The following NEBL variants were observed in gnomAD, a reference collection of about 807,000 sequenced individuals.
NEBL encodes nebulette.
A neutral mutation model predicts 140.2 loss-of-function variants in NEBL; 122 were observed. The ratio of observed to expected loss-of-function variants is 0.87; its 90% CI spans 0.75 to 1.01. The LOEUF is 1.01. Ranked by LOEUF, NEBL falls within the 50% of genes least tolerant of loss-of-function variation. The pLI, the probability that NEBL is intolerant of heterozygous loss-of-function variation, is 0.00. For synonymous variants in NEBL, 436 were observed against 398.9 expected (o/e 1.09, Z -1.11); for missense variants, 1,365 against 1,231.3 (o/e 1.11, Z -1.62).
chr10:20,874,741 AT>A (rs200093504), intron 5 of NEBL, among the ~76,000 whole-genome samples: 1 of 151,572 alleles, frequency 6.6e-6, no homozygotes, highest in Non-Finnish European at 1.5e-5. Context: ...TTCACTTTTC[AT>A]TTTTTTTCTT....
At chr10:21,037,150 G>A (rs1834046609) in intron 2 of NEBL, among the ~76,000 whole-genome samples, 1 of 151,498 alleles carries the variant, frequency 6.6e-6, no homozygotes, top group Non-Finnish European at 1.5e-5. Flanking sequence ...GGCCACCTGT[G>A]CTATTCAGCC....
chr10:21,118,280 G>C (rs935955092), intron 2 of NEBL, among the ~76,000 whole-genome samples: 10 of 152,110 alleles, frequency 6.6e-5, no homozygotes, highest in African/African-American at 2.4e-4. Context: ...TTTTCTTCCA[G>C]TCAGGATCAA....
intron 2 of NEBL, among the ~76,000 whole-genome samples, chr10:21,047,756 C>A (rs1176244168): frequency 6.6e-6 from 1 of 152,150 alleles, no homozygotes; most frequent in African/African-American, 2.4e-5. Flanking sequence ...AGCTCTGTGA[C>A]TTTGACCAAA....
intron 2 of NEBL, among the ~76,000 whole-genome samples, chr10:21,084,095 C>T (rs1301306961): frequency 1.3e-5 from 2 of 152,190 alleles, no homozygotes; most frequent in Non-Finnish European, 2.9e-5. Context: ...TTTTCAGGCC[C>T]TAATCACCTG....
intron 3 of NEBL, among the ~76,000 whole-genome samples, chr10:21,238,909 T>C (rs990651928): frequency 6.6e-6 from 1 of 152,084 alleles, no homozygotes; most frequent in African/African-American, 2.4e-5. Context: ...AAACAGACGC[T>C]TTGGTTACCT....
chr10:20,841,276 T>C (rs925776297), intron 12 of NEBL: 2 of 169,070 alleles, frequency 1.2e-5, no homozygotes, highest in African/African-American at 4.8e-5. Context: ...TAGCCAAAGG[T>C]TTTTTTTAAA....
At chr10:20,821,424 C>T (rs1839302346) in intron 19 of NEBL, among the ~76,000 whole-genome samples, 1 of 152,114 alleles carries the variant, frequency 6.6e-6, no homozygotes, top group African/African-American at 2.4e-5. Flanking sequence ...TCTTTTCCAC[C>T]ACTTGAGTGT....
rs973074596 is a variant in NEBL at position 21,249,282 on chromosome 10, G to A, written n.280-1293C>T. Among the ~76,000 whole-genome samples the A allele has an allele frequency of 9.2e-5, 14 of 152,242 alleles. 5 individuals carry two copies. Among genetic ancestry groups the A allele is most frequent in the Admixed American group, 7.2e-4 (11 of 15,274 alleles). The stretch of plus-strand genomic sequence containing the variant: ...TGGATATTAATCCTTTATGAGATAC[G>A]TGATTTGAAAGTATTTTCTTCCATT... On this transcript the variant is annotated intron_variant and non_coding_transcript_variant, in intron 2 of 8. Transcript: ENST00000675702.
At chr10:20,929,991 A>C (rs1289196283) in intron 4 of NEBL, among the ~76,000 whole-genome samples, 2 of 151,988 alleles carry the variant, frequency 1.3e-5, no homozygotes, top group South Asian at 4.2e-4. Flanking sequence ...TTCTATCTAA[A>C]CTTTCTCGCT....
chr10:20,938,145 A>G (rs1468798032), intron 4 of NEBL, among the ~76,000 whole-genome samples: 1 of 152,190 alleles, frequency 6.6e-6, no homozygotes, highest in Non-Finnish European at 1.5e-5. Context: ...TACCTCCTAA[A>G]GTGGGTCCCT....
intron 2 of NEBL, among the ~76,000 whole-genome samples, chr10:21,062,253 C>T (rs904428558): frequency 6.6e-6 from 1 of 152,066 alleles, no homozygotes; most frequent in African/African-American, 2.4e-5. Flanking sequence ...TCACACATCA[C>T]AGCGTGAGAG....
chr10:20,900,478 G>A (rs1306159464), upstream of NEBL, among the ~76,000 whole-genome samples: 2 of 151,934 alleles, frequency 1.3e-5, no homozygotes, highest in Non-Finnish European at 2.9e-5. Flanking sequence ...AGGAGTTCGA[G>A]ACCAGCCTGA....
rs1244911600 is a variant in NEBL, at chr10:20,812,860, C to A, written c.2427G>T (p.Val809=). ...PVVDDPVTER[V]RKNTQVVSDA... is the part of the protein sequence containing the mutation. ...CGCTGACCACCTGGGTGTTCTTCCT[C>A]ACTCTCTCTGTCACAGGATCGTCCA... is the stretch of plus-strand genomic sequence containing the variant. The change falls in exon 24 of 28, where the codon GTG becomes GTT. Residue 809 remains valine, a synonymous_variant. Coordinates refer to ENST00000377122, the MANE Select transcript of NEBL (RefSeq NM_006393.3). The A allele has an allele frequency of 1.2e-6, 2 of 1,614,030 alleles. No individual in the cohort carries two copies. The highest frequency in any genetic ancestry group is 3.3e-5 in the Admixed American group (2 of 60,020).
At chr10:21,164,559 T>C (rs1015326849) in intron 2 of NEBL, among the ~76,000 whole-genome samples, 1 of 152,244 alleles carries the variant, frequency 6.6e-6, no homozygotes, top group African/African-American at 2.4e-5. Context: ...AAATCTTTTC[T>C]AATCTGACAT....
chr10:20,877,840 A>C (rs1418581400), intron 5 of NEBL, among the ~76,000 whole-genome samples: 1 of 151,982 alleles, frequency 6.6e-6, no homozygotes, highest in East Asian at 1.9e-4. Context: ...AATCCGATGC[A>C]CTCTGCCACG....
Position 20,808,632 on chromosome 10 carries a change from C to T in NEBL, c.2639G>A (p.Trp880Ter). Residue 880 changes from tryptophan (W) to a stop codon, truncating the protein, a stop_gained, in exon 26 of 28, where the codon TGG becomes TAG. Transcript: ENST00000377122. LOFTEE classifies it high-confidence loss of function. ...AGTACTGCTGGAATGGGATCGAGACCAGTGTCGCCTATAGTGACTCGCCTT... is the reference window on the plus strand; with the variant it reads ...AGTACTGCTGGAATGGGATCGAGACTAGTGTCGCCTATAGTGACTCGCCTT... ...SEKASHYRRH[W>*]SRSHSSSTFG... 2 of 1,613,416 alleles carry T rather than the reference C, an allele frequency of 1.2e-6. No homozygotes were observed. Among genetic ancestry groups the T allele is most frequent in the Non-Finnish European group, 1.7e-6 (2 of 1,179,488 alleles).
intron 3 of NEBL, among the ~76,000 whole-genome samples, chr10:20,993,858 A>G (rs930895344): frequency 9.9e-5 from 15 of 152,172 alleles, no homozygotes; most frequent in African/African-American, 3.6e-4. Context: ...GGGCACTGCC[A>G]CCCTAACTAA....
chr10:20,929,040 A>C (rs1303813827), intron 4 of NEBL, among the ~76,000 whole-genome samples: 1 of 151,872 alleles, frequency 6.6e-6, no homozygotes, highest in African/African-American at 2.4e-5. Flanking sequence ...CTCTTCCACC[A>C]GGCCTCTAAA....
intron 3 of NEBL, among the ~76,000 whole-genome samples, chr10:20,995,962 A>C (rs370271816): frequency 4.6e-5 from 7 of 152,030 alleles, no homozygotes; most frequent in African/African-American, 1.4e-4. Flanking sequence ...CATACTTCCA[A>C]TTTTAATCTT....
Sources: allele counts gnomAD v4.1 joint callset (sites outside exome capture counted in the v4.1 genomes callset), GRCh38; gene constraint gnomAD v4.1.1; transcripts MANE v1.5; gene names NCBI Gene and HGNC (gene_info 2026-07-23, HGNC 2026-07-21).